The following STK3 variants were observed in gnomAD, a reference collection of about 807,000 sequenced individuals.
STK3 encodes the protein serine/threonine kinase 3.
Under a neutral mutation model 58.0 loss-of-function variants are expected in STK3, and 41 were observed. The ratio of observed to expected loss-of-function variants is 0.71; its 90% CI spans 0.55 to 0.92. The LOEUF is 0.92. Among genes scored for constraint, STK3 ranks in the 40% least tolerant of loss-of-function variants. The pLI, the probability that STK3 is intolerant of heterozygous loss-of-function variation, is 0.00. For synonymous variants in STK3, 170 were observed against 191.0 expected (o/e 0.89, Z 0.91); for missense variants, 479 against 602.7 (o/e 0.79, Z 2.15).
At chr8:98,826,747 G>A (rs1254586545), upstream of STK3, among the ~76,000 whole-genome samples, 3 of 147,480 alleles carry the variant, frequency 2.0e-5, no homozygotes, top group Admixed American at 6.7e-5. Context: ...AAGATGGGCC[G>A]GGCGCGGTGG....
chr8:98,879,908 T>C (rs903113822), downstream of STK3: 1 of 152,182 alleles, frequency 6.6e-6, no homozygotes, highest in Non-Finnish European at 1.5e-5. Context: ...AATTTTGAAC[T>C]CGAATAAGAA....
intron 8 of STK3, among the ~76,000 whole-genome samples, chr8:98,560,251 T>C (rs537483943): frequency 5.3e-5 from 8 of 152,154 alleles, no homozygotes; most frequent in South Asian, 2.1e-4. Flanking sequence ...AAAAAAGTTA[T>C]AAAGATTGGA....
chr8:98,408,774 AG>A (rs1818024822), intron 3 of STK3, among the ~76,000 whole-genome samples: 1 of 152,224 alleles, frequency 6.6e-6, no homozygotes, highest in African/African-American at 2.4e-5. Context: ...CTTAGACAAT[AG>A]GCTGGATAAA....
At chr8:98,590,340 C>G (rs533025688) in intron 7 of STK3, among the ~76,000 whole-genome samples, 3 of 152,074 alleles carry the variant, frequency 2.0e-5, no homozygotes, top group Non-Finnish European at 4.4e-5. Context: ...TAAGAGTTAC[C>G]GAAAGCTCGG....
chr8:98,926,180 A>G (rs975948833), intron 1 of STK3, among the ~76,000 whole-genome samples: 3 of 152,208 alleles, frequency 2.0e-5, no homozygotes, highest in Non-Finnish European at 2.9e-5. Flanking sequence ...GCGCCTGACC[A>G]TTAGAACGCT....
intron 3 of STK3, among the ~76,000 whole-genome samples, chr8:98,411,366 G>A (rs1448565958): frequency 6.6e-6 from 1 of 152,188 alleles, no homozygotes. Context: ...AGAAGTATGC[G>A]GGAAACATAT....
chr8:98,406,823 T>G lies in STK3; in HGVS notation n.484-5310A>C, dbSNP rs1441939201. Among the ~76,000 whole-genome samples, 3 of 152,170 alleles carry G rather than the reference T, an allele frequency of 2.0e-5. No homozygotes were observed. In the East Asian group the frequency reaches 5.8e-4, roughly 29 times the overall value. ...TATAGGCTGATGAGATGTAAGATAT[T>G]TGCTGGCAATGTCCTTACTTTCCTT... On this transcript the variant is annotated intron_variant and non_coding_transcript_variant, in intron 3 of 3. Transcript: ENST00000517832.
At chr8:98,685,625 G>A (rs553057162) in intron 6 of STK3, among the ~76,000 whole-genome samples, 2 of 152,124 alleles carry the variant, frequency 1.3e-5, no homozygotes, top group East Asian at 3.9e-4. Flanking sequence ...CTTTCAAATG[G>A]AGTAAAAATC....
At chr8:98,896,958 G>A (rs1838471048) in intron 1 of STK3, among the ~76,000 whole-genome samples, 2 of 151,838 alleles carry the variant, frequency 1.3e-5, no homozygotes, top group African/African-American at 2.4e-5. Context: ...CAGCATGGGC[G>A]ACAGAGACCC....
In STK3 at chr8:98,923,852, T is replaced by TGC. The variant is rs1491328554; in HGVS notation, c.-79+18525_-79+18526insGC. Among the ~76,000 whole-genome samples the TGC allele has an allele frequency of 4.8e-3, 619 of 128,272 alleles. 2 individuals carry two copies. The highest frequency in any genetic ancestry group is 0.015 in the African/African-American group (547 of 35,776). 84.2% of individuals were successfully genotyped at this position (128,272 alleles called of 152,430 possible). On this transcript the variant is annotated intron_variant, in intron 1 of 1. Transcript: ENST00000519420. ...ACGTGTGTGTGTGTGTGTGTGTGTG[T>TGC]GTGCGCGCGCGCGCGCGCGCGCGCG...
chr8:98,651,684 C>T (rs983365033), intron 6 of STK3: 69 of 151,990 alleles, frequency 4.5e-4, no homozygotes, highest in African/African-American at 5.8e-4. Context: ...TCGAGAACTA[C>T]GTGAAGAATG....
intron 10 of STK3, among the ~76,000 whole-genome samples, chr8:98,464,048 A>G (rs184664802): frequency 6.6e-6 from 1 of 152,264 alleles, no homozygotes; most frequent in East Asian, 1.9e-4. Context: ...GTTTAAATAA[A>G]TCTTGCAGAT....
At position 98,692,959 on chromosome 8, in the gene STK3, A is replaced by G. The variant is rs534932440; in HGVS notation, c.684+13508T>C. 2.2e-4 allele frequency among the ~76,000 whole-genome samples: 33 copies of G among 152,130 alleles called. No homozygotes were observed. In the South Asian group the frequency reaches 2.3e-3, roughly 11 times the overall value. ...CTAAATGTTACACAATTTGGGGGGG[A>G]AAAATACAATTTATGCAGATATAAT... On this transcript the variant is annotated intron_variant, in intron 6 of 10. Transcript: ENST00000419617.
chr8:98,428,235 C>G lies in STK3; in HGVS notation n.483+5892G>C. The G allele has an allele frequency of 6.2e-7, 1 of 1,614,142 alleles. No homozygotes were observed. The highest frequency in any genetic ancestry group is 8.5e-7 in the Non-Finnish European group (1 of 1,180,032). On this transcript the variant is annotated intron_variant and non_coding_transcript_variant, in intron 3 of 3. Transcript: ENST00000517832. This position sits in a 1 kb window ranked among gnomAD's most constrained non-coding sequence, Gnocchi z 6.7. ...CTTCCCCTACGTGCTGCATTTCTAT[C>G]ACACCGGCAAGCTTCACGTCATGGC...
chr8:98,697,712 A>G (rs200991791), intron 6 of STK3, among the ~76,000 whole-genome samples: 3 of 152,076 alleles, frequency 2.0e-5, no homozygotes, highest in Admixed American at 6.6e-5. Flanking sequence ...ATTGCACTGT[A>G]GTTTGAGAGA....
upstream of STK3, among the ~76,000 whole-genome samples, chr8:98,830,482 T>G (rs1206337132): frequency 6.6e-6 from 1 of 152,162 alleles, no homozygotes; most frequent in East Asian, 1.9e-4. Flanking sequence ...CTGAATTACT[T>G]AGAAGAAGAA....
intron 10 of STK3, among the ~76,000 whole-genome samples, chr8:98,505,556 T>C (rs78027221): frequency 6.6e-6 from 1 of 152,220 alleles, no homozygotes; most frequent in Non-Finnish European, 1.5e-5. Flanking sequence ...TTGATGCTGG[T>C]GACCTACCGA....
intron 7 of STK3, among the ~76,000 whole-genome samples, chr8:98,584,289 C>G (rs1420726844): frequency 6.6e-6 from 1 of 151,190 alleles, no homozygotes; most frequent in Non-Finnish European, 1.5e-5. Context: ...TGATGTTCCC[C>G]TTCCTGTGTC....
intron 1 of STK3, among the ~76,000 whole-genome samples, chr8:98,918,284 T>TG (rs34054494): frequency 3.3e-5 from 5 of 152,142 alleles, no homozygotes; most frequent in South Asian, 2.1e-4. Context: ...CTAGTTTAGC[T>TG]GGGGGGTCAA....
Sources: allele counts gnomAD v4.1 joint callset (sites outside exome capture counted in the v4.1 genomes callset), GRCh38; gene constraint gnomAD v4.1.1; non-coding constraint Gnocchi (gnomAD v3.1); transcripts MANE v1.5; gene names NCBI Gene and HGNC (gene_info 2026-07-23, HGNC 2026-07-21).